Variants in ARAP2 observed in about 807,000 individuals in gnomAD.
ARAP2 encodes arf-GAP with Rho-GAP domain, ANK repeat and PH domain-containing protein 2.
Under a neutral mutation model 194.5 loss-of-function variants are expected in ARAP2, and 148 were observed. That is an observed-to-expected ratio of 0.76 (90% CI 0.67 to 0.87). The LOEUF is 0.87. Ranked by LOEUF, ARAP2 falls within the 40% of genes least tolerant of loss-of-function variation. ARAP2 has a pLI of 0.00. For missense variants in ARAP2, 2,128 were observed against 1,989.7 expected (o/e 1.07, Z -1.32); for synonymous variants, 695 against 683.5 (o/e 1.02, Z -0.26).
Position 36,040,944 on chromosome 4 carries a change from C to T in ARAP2, n.607+5035G>A, listed in dbSNP as rs1234569688. 1.3e-5 allele frequency among the ~76,000 whole-genome samples: 2 copies of T among 151,858 alleles called. 1 individual carries two copies. The highest frequency in any genetic ancestry group is 1.3e-4 in the Admixed American group (2 of 15,246). On this transcript the variant is annotated intron_variant and non_coding_transcript_variant, in intron 5 of 12. Coordinates refer to the ARAP2 transcript ENST00000503225. ...TTTCAAGGAGAGTGCTTCCAGCTTC[C>T]AGTATGGTATTGGCCGTGGCCTGTT...
Position 36,108,255 on chromosome 4 carries a change from A to G in ARAP2, c.4157-562T>C, listed in dbSNP as rs1452917568. Among the ~76,000 whole-genome samples, 3 of 151,958 alleles carry G rather than the reference A, an allele frequency of 2.0e-5. No homozygotes were observed. In the East Asian group the frequency reaches 5.8e-4, roughly 29 times the overall value. On this transcript the variant is annotated intron_variant, in intron 26 of 32. Transcript: ENST00000303965. Reference sequence around the variant, plus strand: ...TGTTTAGGGAAACCTTCTTATTTTTATATGCAATTAAATGGTTTTAAAAGG... The same window carrying G: ...TGTTTAGGGAAACCTTCTTATTTTTGTATGCAATTAAATGGTTTTAAAAGG...
chr4:36,152,459 G>C (rs539611657), intron 15 of ARAP2, among the ~76,000 whole-genome samples: 1 of 152,118 alleles, frequency 6.6e-6, no homozygotes, highest in African/African-American at 2.4e-5. Flanking sequence ...GTATTCAGAC[G>C]TCTAGAAGAA....
intron 8 of ARAP2, among the ~76,000 whole-genome samples, chr4:36,181,873 G>C (rs1560608545): frequency 6.6e-6 from 1 of 152,114 alleles, no homozygotes; most frequent in Admixed American, 6.5e-5. Context: ...AACACAAGAT[G>C]GGGGGCCCAG....
At chr4:36,226,894 T>C (rs1023381807) in intron 2 of ARAP2, among the ~76,000 whole-genome samples, 1 of 152,216 alleles carries the variant, frequency 6.6e-6, no homozygotes, top group African/African-American at 2.4e-5. Context: ...CTTTAACATG[T>C]GTACACATAG....
intron 6 of ARAP2, among the ~76,000 whole-genome samples, chr4:36,198,277 G>A (rs1743585600): frequency 6.6e-6 from 1 of 152,224 alleles, no homozygotes; most frequent in Admixed American, 6.5e-5. Context: ...AGCTCTGGCT[G>A]ATCCGGGGGC....
At chr4:36,015,765 T>G (rs1016848381) in intron 7 of ARAP2, 1 of 152,158 alleles carries the variant, frequency 6.6e-6, no homozygotes, top group African/African-American at 2.4e-5. Context: ...CCTCTTGAAG[T>G]GAGAAGCTAC....
intron 2 of ARAP2, among the ~76,000 whole-genome samples, chr4:36,219,270 C>T (rs929703095): frequency 2.0e-5 from 3 of 152,142 alleles, no homozygotes; most frequent in Non-Finnish European, 4.4e-5. Flanking sequence ...AATAACCACC[C>T]AAATATATGT....
intron 26 of ARAP2, among the ~76,000 whole-genome samples, chr4:36,110,766 T>C (rs559247733): frequency 1.1e-4 from 16 of 151,994 alleles, no homozygotes; most frequent in African/African-American, 3.9e-4. Flanking sequence ...TCCTGAAAAG[T>C]TGTGCACCAT....
At chr4:36,221,935 G>A (rs1749264767) in intron 2 of ARAP2, among the ~76,000 whole-genome samples, 1 of 152,074 alleles carries the variant, frequency 6.6e-6, no homozygotes, top group Non-Finnish European at 1.5e-5. Flanking sequence ...TACCAATAAA[G>A]GCGGGAAATT....
chr4:36,065,914 A>T (rs1725336499), downstream of ARAP2: 2 of 152,230 alleles, frequency 1.3e-5, no homozygotes, highest in Non-Finnish European at 2.9e-5. Flanking sequence ...TTAAATTCAA[A>T]TTTTTTTAAA....
chr4:36,014,324 GAGA>G (rs1715316482), intron 8 of ARAP2, among the ~76,000 whole-genome samples: 1 of 109,762 alleles, frequency 9.1e-6, no homozygotes, highest in African/African-American at 4.3e-5. Context: ...GAAAGAAAGA[GAGA>G]AAGAAAGAAA....
At chr4:36,049,410 C>T (rs540682080) in intron 3 of ARAP2, among the ~76,000 whole-genome samples, 157 of 152,248 alleles carry the variant, frequency 1.0e-3, no homozygotes, top group African/African-American at 3.7e-3. Context: ...TAAATGTGGG[C>T]CTCCTAATTT....
intron 8 of ARAP2, among the ~76,000 whole-genome samples, chr4:36,181,059 C>G (rs1560606954): frequency 6.6e-6 from 1 of 152,214 alleles, no homozygotes; most frequent in African/African-American, 2.4e-5. Context: ...GGACAAGAGT[C>G]TAGGGTAAAG....
At chr4:36,014,006 C>T (rs548244264) in intron 8 of ARAP2, among the ~76,000 whole-genome samples, 1 of 151,972 alleles carries the variant, frequency 6.6e-6, no homozygotes, top group South Asian at 2.1e-4. Flanking sequence ...GCAGGCAGAT[C>T]GCTTGAGCCC....
intron 7 of ARAP2, among the ~76,000 whole-genome samples, chr4:36,188,354 T>C (rs536158949): frequency 1.6e-4 from 25 of 152,246 alleles, no homozygotes; most frequent in Admixed American, 3.3e-4. Context: ...ACCCAGCTAC[T>C]GCAATGAGAG....
chr4:36,228,625 G>A lies in ARAP2; in HGVS notation c.862C>T (p.Pro288Ser). 6.2e-7 allele frequency: 1 copy of A among 1,613,778 alleles called. No individual in the cohort carries two copies. The highest frequency in any genetic ancestry group is 8.5e-7 in the Non-Finnish European group (1 of 1,179,838). Reference protein sequence around the residue: ...PSRSFLLRHRPVPEIPGSTKG... With the variant: ...PSRSFLLRHRSVPEIPGSTKG... ...GTTGACCCTGGAATCTCTGGTACAG[G>A]TCGATGTCTTAGCAGAAAAGATCGA... is the stretch of plus-strand genomic sequence containing the variant. The change falls in exon 2 of 33, where the codon CCT becomes TCT. Residue 288 changes from proline (P) to serine (S), a missense_variant. By Grantham distance (74) the Pro-to-Ser change is moderately conservative (BLOSUM62 -1). Transcript: ENST00000303965.
intron 30 of ARAP2, 144 bp downstream of exon 30, chr4:36,082,107 G>A (rs566078252): frequency 2.7e-6 from 2 of 727,336 alleles, no homozygotes; most frequent in African/African-American, 3.6e-5. Context: ...CCTCTTCTTA[G>A]GCTCAAAGTC....
At chr4:36,114,986 G>A (rs1017035554) in intron 25 of ARAP2, among the ~76,000 whole-genome samples, 13 of 151,926 alleles carry the variant, frequency 8.6e-5, no homozygotes, top group Admixed American at 2.6e-4. Context: ...AAGCAAAATG[G>A]CTTTCTTCAA....
chr4:36,102,980 T>C (rs567786630), intron 27 of ARAP2, among the ~76,000 whole-genome samples: 14 of 151,816 alleles, frequency 9.2e-5, no homozygotes, highest in Non-Finnish European at 1.8e-4. Flanking sequence ...ACTTTTAATA[T>C]CTTGTACATC....
Sources: allele counts gnomAD v4.1 joint callset (sites outside exome capture counted in the v4.1 genomes callset), GRCh38; gene constraint gnomAD v4.1.1; transcripts MANE v1.5; gene names NCBI Gene and HGNC (gene_info 2026-07-23, HGNC 2026-07-21).